The following TRDN variants were observed in gnomAD, a reference collection of about 807,000 sequenced individuals.
TRDN encodes triadin in skeletal muscle.
In TRDN, 161 loss-of-function variants were observed where a neutral mutation model predicts 149.7. The ratio of observed to expected loss-of-function variants is 1.08; its 90% CI spans 0.95 to 1.23. The LOEUF (loss-of-function observed/expected upper bound fraction) is 1.23, where lower values mean the gene tolerates loss of function less well. Ranked by LOEUF, TRDN falls within the 50% of genes most tolerant of loss-of-function variation. The pLI is 0.00. For missense variants in TRDN, 896 were observed against 823.5 expected, an observed-to-expected ratio of 1.09 and a Z score of -1.08; for synonymous variants, 294 against 250.5, an observed-to-expected ratio of 1.17 and a Z score of -1.64.
At chr6:123,282,768 G>T (rs556410746) in intron 24 of TRDN, among the ~76,000 whole-genome samples, 36 of 151,908 alleles carry the variant, frequency 2.4e-4, no homozygotes, top group African/African-American at 8.7e-4. Flanking sequence ...CCTCAACAGA[G>T]ATTTATTATA....
At chr6:123,460,742 G>A (rs1776401140) in intron 10 of TRDN, among the ~76,000 whole-genome samples, 1 of 152,012 alleles carries the variant, frequency 6.6e-6, no homozygotes, top group South Asian at 2.1e-4. Flanking sequence ...ACTAGCTCCT[G>A]TAGAATATTG....
At chr6:123,496,028 AT>A (rs1320845147) in intron 9 of TRDN, among the ~76,000 whole-genome samples, 4 of 147,696 alleles carry the variant, frequency 2.7e-5, no homozygotes, top group African/African-American at 9.9e-5. Flanking sequence ...AAACATCGAT[AT>A]TATTAATATA....
At chr6:123,243,931 T>C (rs979386522) in intron 38 of TRDN, among the ~76,000 whole-genome samples, 4 of 152,126 alleles carry the variant, frequency 2.6e-5, no homozygotes, top group Non-Finnish European at 4.4e-5. Context: ...AGCAAGACAC[T>C]TGGACATCCA....
At chr6:123,366,810 G>C (rs925331019) in intron 19 of TRDN, among the ~76,000 whole-genome samples, 2 of 152,094 alleles carry the variant, frequency 1.3e-5, no homozygotes, top group East Asian at 3.9e-4. Flanking sequence ...GAGCCACCAC[G>C]CCCGGCCATA....
At chr6:123,591,451 G>A (rs986219354) in intron 1 of TRDN, among the ~76,000 whole-genome samples, 3 of 152,078 alleles carry the variant, frequency 2.0e-5, no homozygotes, top group South Asian at 4.2e-4. Flanking sequence ...TCACCATGTT[G>A]GCCAGGCTGG....
chr6:123,547,199 T>C (rs1221058004), intron 4 of TRDN, 141 bp downstream of exon 4: 1 of 518,738 alleles, frequency 1.9e-6, no homozygotes, highest in African/African-American at 2.0e-5. Context: ...AAATTGAGTA[T>C]TTTTTTTCTG....
At chr6:123,550,875 T>C (rs1201535592) in intron 2 of TRDN, among the ~76,000 whole-genome samples, 1 of 151,968 alleles carries the variant, frequency 6.6e-6, no homozygotes, top group Non-Finnish European at 1.5e-5. Flanking sequence ...GAGTTTCATG[T>C]GAGCAAGAAA....
At chr6:123,408,635 G>T (rs887021746) in intron 12 of TRDN, among the ~76,000 whole-genome samples, 5 of 150,378 alleles carry the variant, frequency 3.3e-5, no homozygotes, top group Non-Finnish European at 7.4e-5. Context: ...CAGAGATCGC[G>T]CCATTGCACT....
At chr6:123,570,096 CTAGTATTTA>C (rs1314797243) in intron 2 of TRDN, among the ~76,000 whole-genome samples, 1 of 152,008 alleles carries the variant, frequency 6.6e-6, no homozygotes, top group Non-Finnish European at 1.5e-5. Flanking sequence ...AATGCAATTA[CTAGTATTTA>C]TAGTGTCTGG....
chr6:123,411,381 A>T lies in TRDN; in HGVS notation c.1052-17704T>A, dbSNP rs374649645. Among the ~76,000 whole-genome samples, 147 of 152,222 alleles carry T rather than the reference A, an allele frequency of 9.7e-4. 2 individuals carry two copies. The South Asian group carries it at 0.022, about 23-fold the overall frequency. ...TTTCTAAGGAAGATTGATTATGGCAAATAAAGGGTCCTTCAAGCAACAGGA... is the reference window on the plus strand; with the variant it reads ...TTTCTAAGGAAGATTGATTATGGCATATAAAGGGTCCTTCAAGCAACAGGA... On this transcript the variant is annotated intron_variant, in intron 12 of 40. Coordinates refer to ENST00000334268, the MANE Select transcript of TRDN (RefSeq NM_006073.4).
In TRDN at chr6:123,584,896, C is replaced by T. The variant is rs1477268166; in HGVS notation, c.23-13764G>A. Reference sequence around the variant, plus strand: ...TGGTTGATAAGGCGCAGATCCTGAACTAACTTGTAAGGCTTGTCTGGTTTT... The same window carrying T: ...TGGTTGATAAGGCGCAGATCCTGAATTAACTTGTAAGGCTTGTCTGGTTTT... On this transcript the variant is annotated intron_variant, in intron 1 of 40. Coordinates refer to ENST00000334268, the MANE Select transcript of TRDN (RefSeq NM_006073.4). Among the ~76,000 whole-genome samples the T allele has an allele frequency of 9.2e-5, 14 of 152,232 alleles. No homozygotes were observed. In the East Asian group the frequency reaches 2.7e-3, roughly 29 times the overall value.
chr6:123,325,420 C>T lies in TRDN; in HGVS notation c.1471+6459G>A, dbSNP rs116699753. Among the ~76,000 whole-genome samples the T allele has an allele frequency of 4.9e-3, 751 of 151,854 alleles. 2 individuals carry two copies. The highest frequency in any genetic ancestry group is 0.02 in the Middle Eastern group (6 of 294). On this transcript the variant is annotated intron_variant, in intron 23 of 40. Transcript: ENST00000334268. The stretch of plus-strand genomic sequence containing the variant: ...GATTACTAAACCAAATATTCTAGAC[C>T]CAGTATTAGACTATGAAAATATTTT...
intron 10 of TRDN, among the ~76,000 whole-genome samples, chr6:123,448,042 T>G (rs1775499312): frequency 1.3e-5 from 2 of 152,026 alleles, no homozygotes; most frequent in Non-Finnish European, 2.9e-5. Context: ...ATTTGGAGAG[T>G]TGAGCAAAAT....
rs1191578133 is a variant in TRDN at position 123,417,561 on chromosome 6, C to T, written c.1051+20502G>A. Among the ~76,000 whole-genome samples the T allele has an allele frequency of 2.0e-5, 3 of 152,168 alleles. No homozygotes were observed. In the East Asian group the frequency reaches 5.8e-4, roughly 29 times the overall value. On this transcript the variant is annotated intron_variant, in intron 12 of 40. Transcript: ENST00000334268. ...CTTTATAAAGCGAAATCACAAAGGT[C>T]AGCCAATGAGAAGAGAAAAGAGGTT...
intron 22 of TRDN, among the ~76,000 whole-genome samples, chr6:123,333,266 A>G (rs145037791): frequency 6.6e-6 from 1 of 151,964 alleles, no homozygotes; most frequent in Admixed American, 6.6e-5. Flanking sequence ...AGAATTCAAG[A>G]TTCAGCATGT....
intron 9 of TRDN, among the ~76,000 whole-genome samples, chr6:123,467,011 G>T (rs1347252305): frequency 6.6e-6 from 1 of 151,760 alleles, no homozygotes; most frequent in Non-Finnish European, 1.5e-5. Context: ...CCTATATTTA[G>T]ATTTATCTGA....
chr6:123,542,696 C>A lies in TRDN; in HGVS notation c.424+4644G>T, dbSNP rs537919416. On this transcript the variant is annotated intron_variant, in intron 4 of 40. Coordinates refer to ENST00000334268, the MANE Select transcript of TRDN (RefSeq NM_006073.4). ...TATTTTATTAGTAAAATAAACCAGT[C>A]ATAAACCAGTATTTTATCTTTGAAC... 2.4e-4 allele frequency among the ~76,000 whole-genome samples: 36 copies of A among 152,190 alleles called. 1 individual carries two copies. The highest frequency in any genetic ancestry group is 8.4e-4 in the African/African-American group (35 of 41,534).
Position 123,362,466 on chromosome 6 carries a change from A to G in TRDN, c.1321+3669T>C, listed in dbSNP as rs573221016. On this transcript the variant is annotated intron_variant, in intron 20 of 40. Coordinates refer to ENST00000334268, the MANE Select transcript of TRDN (RefSeq NM_006073.4). ...AGCCCAGTTTATATTAATTCCTACAATGGTCTTGAGATAATTACTGTTCCT... is the reference window on the plus strand; with the variant it reads ...AGCCCAGTTTATATTAATTCCTACAGTGGTCTTGAGATAATTACTGTTCCT... 6.0e-4 allele frequency among the ~76,000 whole-genome samples: 91 copies of G among 152,236 alleles called. No homozygotes were observed. The South Asian group carries it at 6.4e-3, about 11-fold the overall frequency.
chr6:123,217,305 A>G lies in TRDN; in HGVS notation c.*1296T>C, dbSNP rs977097119. On this transcript the variant is annotated 3_prime_UTR_variant, in exon 41 of 41. Transcript: ENST00000334268. ...TAGTTAGTGGCAATCCTTGAAAATA[A>G]ATCACTTGGCTAGTATTGGCTCTGG... The G allele has an allele frequency of 6.6e-6, 1 of 152,022 alleles. No homozygotes were observed. The highest frequency in any genetic ancestry group is 1.5e-5 in the Non-Finnish European group (1 of 67,954). The allele number at this position is 152,022 out of a possible 1,614,324, so 9.4% of individuals were successfully genotyped here. A position where few individuals can be genotyped will look rare whatever the true frequency, so the allele number is the denominator to read the frequency against.
Sources: gnomAD v4.1 joint callset for allele counts (sites outside exome capture counted in the v4.1 genomes callset) on GRCh38, gnomAD v4.1.1 for gene constraint, MANE v1.5 for transcripts, NCBI Gene and HGNC (gene_info 2026-07-23, HGNC 2026-07-21) for gene names.